The following RGS6 variants were observed in gnomAD, a reference collection of about 807,000 sequenced individuals.
RGS6 encodes regulator of G protein signaling 6.
Under a neutral mutation model 78.5 loss-of-function variants are expected in RGS6, and 30 were observed. The ratio of observed to expected loss-of-function variants is 0.38; its 90% CI spans 0.29 to 0.52. RGS6 has a LOEUF of 0.52. Among genes scored for constraint, RGS6 ranks in the 20% least tolerant of loss-of-function variants. The probability of loss-of-function intolerance (pLI) is 0.85; values close to 1 mark genes in which losing one functional copy is unlikely to be tolerated. For synonymous variants in RGS6, 206 were observed against 206.0 expected (o/e 1.00, Z 0.00); for missense variants, 495 against 609.7 (o/e 0.81, Z 1.98).
At chr14:72,389,169 C>G (rs993193737) in intron 3 of RGS6, among the ~76,000 whole-genome samples, 1 of 152,130 alleles carries the variant, frequency 6.6e-6, no homozygotes, top group Non-Finnish European at 1.5e-5. Flanking sequence ...TATGACTTTG[C>G]CAGCTTCCTG....
At chr14:72,188,997 G>A (rs1014812129) in intron 2 of RGS6, among the ~76,000 whole-genome samples, 5 of 152,214 alleles carry the variant, frequency 3.3e-5, no homozygotes, top group Admixed American at 6.5e-5. Flanking sequence ...GATTACAAAA[G>A]AAGAGTAACT....
At chr14:72,478,210 C>A (rs778324991) in intron 11 of RGS6, 58 bp from the exon 12 acceptor site, 4 of 1,311,936 alleles carry the variant, frequency 3.0e-6, no homozygotes, top group African/African-American at 1.5e-5. Context: ...GTTTGTGGAG[C>A]GAGGGGAAAA....
intron 3 of RGS6, among the ~76,000 whole-genome samples, chr14:72,396,346 G>A (rs974153183): frequency 6.6e-6 from 1 of 152,182 alleles, no homozygotes; most frequent in African/African-American, 2.4e-5. Context: ...CTTTTGAGAA[G>A]TGTCTGTTCA....
chr14:72,380,466 A>G (rs1011638661), intron 3 of RGS6, among the ~76,000 whole-genome samples: 1 of 99,774 alleles, frequency 1.0e-5, no homozygotes, highest in Admixed American at 9.4e-5. Context: ...ATATCTTGAC[A>G]GCAAAAAAAA....
At position 72,375,195 on chromosome 14, in the gene RGS6, A is replaced by G. The variant is rs906942695; in HGVS notation, c.184+23001A>G. Among the ~76,000 whole-genome samples, 9 of 152,308 alleles carry G rather than the reference A, an allele frequency of 5.9e-5. No individual in the cohort carries two copies. In the East Asian group the frequency reaches 1.2e-3, roughly 20 times the overall value. Reference sequence around the variant, plus strand: ...AAAATGGGAAGAGCAATTCTTCCCCATTGTCTTTATTATTTCCTTCCAAAT... The same window carrying G: ...AAAATGGGAAGAGCAATTCTTCCCCGTTGTCTTTATTATTTCCTTCCAAAT... On this transcript the variant is annotated intron_variant, in intron 3 of 17. Coordinates refer to ENST00000553525, the MANE Select transcript of RGS6 (RefSeq NM_001204424.2).
At chr14:72,588,759 G>A in the RGS6 span, among the ~76,000 whole-genome samples, 7 of 152,190 alleles carry the variant, frequency 4.6e-5, no homozygotes, top group East Asian at 1.9e-4. Flanking sequence ...TCTTTCTTTC[G>A]GGGTACTCCC....
At chr14:71,977,821 G>A (rs1313583933) in intron 2 of RGS6, among the ~76,000 whole-genome samples, 1 of 152,022 alleles carries the variant, frequency 6.6e-6, no homozygotes, top group African/African-American at 2.4e-5. Flanking sequence ...TAGCTTGATG[G>A]GGATGGCATT....
At chr14:71,943,743 C>T (rs889122676) in intron 1 of RGS6, among the ~76,000 whole-genome samples, 3 of 152,188 alleles carry the variant, frequency 2.0e-5, no homozygotes, top group Admixed American at 2.0e-4. Flanking sequence ...AGAGCAAGCC[C>T]ATGTTTTTTC....
the RGS6 span, among the ~76,000 whole-genome samples, chr14:71,894,875 A>G: frequency 6.6e-6 from 1 of 151,364 alleles, no homozygotes; most frequent in Non-Finnish European, 1.5e-5. Context: ...CCCAGGCTGG[A>G]GTGCAATGGT....
intron 16 of RGS6, among the ~76,000 whole-genome samples, chr14:72,536,647 T>G (rs2097254808): frequency 6.6e-6 from 1 of 152,068 alleles, no homozygotes; most frequent in Non-Finnish European, 1.5e-5. Context: ...CACTGCAAAG[T>G]CCAGCCCCTT....
chr14:72,349,130 G>C (rs1769473742), intron 2 of RGS6, among the ~76,000 whole-genome samples: 2 of 152,164 alleles, frequency 1.3e-5, no homozygotes, highest in African/African-American at 4.8e-5. Context: ...TCACGCCACT[G>C]CACTCCAGCC....
chr14:72,581,683 C>T, the RGS6 span, among the ~76,000 whole-genome samples: 10 of 152,364 alleles, frequency 6.6e-5, no homozygotes, highest in African/African-American at 2.2e-4. Flanking sequence ...TATGCACATG[C>T]TGCCACCTTT....
chr14:72,615,341 A>G, the RGS6 span, among the ~76,000 whole-genome samples: 1 of 152,352 alleles, frequency 6.6e-6, no homozygotes, highest in East Asian at 1.9e-4. Context: ...CTTCAGCGGC[A>G]TAAAAGAGCA....
chr14:72,208,230 G>T (rs1284167740), intron 2 of RGS6, among the ~76,000 whole-genome samples: 1 of 152,176 alleles, frequency 6.6e-6, no homozygotes, highest in Non-Finnish European at 1.5e-5. Flanking sequence ...ATGCATGCTA[G>T]GCTTACTGCT....
At chr14:72,257,761 ACAGTC>A (rs1453061244) in intron 2 of RGS6, among the ~76,000 whole-genome samples, 4 of 152,172 alleles carry the variant, frequency 2.6e-5, no homozygotes, top group Non-Finnish European at 4.4e-5. Context: ...CTGATTTACA[ACAGTC>A]CTGATCAAAG....
chr14:72,069,264 C>T (rs576788646), intron 2 of RGS6, among the ~76,000 whole-genome samples: 12 of 152,298 alleles, frequency 7.9e-5, no homozygotes, highest in African/African-American at 1.4e-4. Context: ...TGAGCCACTG[C>T]ACCTGGCTCT....
intron 3 of RGS6, among the ~76,000 whole-genome samples, chr14:72,453,495 A>C (rs1020759137): frequency 1.4e-5 from 2 of 147,460 alleles, no homozygotes; most frequent in African/African-American, 2.5e-5. Context: ...AGGCGCCTGT[A>C]GTCCCAGCTA....
intron 2 of RGS6, among the ~76,000 whole-genome samples, chr14:72,173,599 TC>T (rs1171354968): frequency 4.6e-5 from 7 of 152,146 alleles, no homozygotes; most frequent in African/African-American, 7.2e-5. Context: ...ACACATTTCT[TC>T]CGTCCCTCTC....
chr14:72,413,062 G>T (rs200964948), intron 3 of RGS6, among the ~76,000 whole-genome samples: 1 of 151,916 alleles, frequency 6.6e-6, no homozygotes, highest in South Asian at 2.1e-4. Flanking sequence ...GGGGTGGAGA[G>T]TTCTGTAGAT....
Sources: gnomAD v4.1 joint callset for allele counts (sites outside exome capture counted in the v4.1 genomes callset) on GRCh38, gnomAD v4.1.1 for gene constraint, MANE v1.5 for transcripts, NCBI Gene and HGNC (gene_info 2026-07-23, HGNC 2026-07-21) for gene names.